PCDH9: variants seen among roughly 807,000 people sequenced by gnomAD.
The protein encoded by PCDH9 is protocadherin-9.
A neutral mutation model predicts 70.6 loss-of-function variants in PCDH9; 24 were observed. The observed-to-expected ratio is 0.34, with a 90% confidence interval of 0.25 to 0.48. The LOEUF is 0.48. Among genes scored for constraint, PCDH9 ranks in the 20% least tolerant of loss-of-function variants. PCDH9 has a pLI of 0.99. For synonymous variants in PCDH9, 562 were observed against 558.5 expected (o/e 1.01, Z -0.09); for missense variants, 1,281 against 1,503.6 (o/e 0.85, Z 2.45).
intron 3 of PCDH9, among the ~76,000 whole-genome samples, chr13:66,727,652 C>T (rs1340531934): frequency 6.6e-6 from 1 of 152,044 alleles, no homozygotes; most frequent in African/African-American, 2.4e-5. Flanking sequence ...TAGATATAGA[C>T]TAGATATAGA....
At chr13:66,791,513 A>G (rs1323082373) in intron 3 of PCDH9, among the ~76,000 whole-genome samples, 1 of 152,120 alleles carries the variant, frequency 6.6e-6, no homozygotes, top group Non-Finnish European at 1.5e-5. Context: ...AGTTTTTGCC[A>G]TTACTTTCAA....
chr13:66,368,925 G>C (rs1405150907), intron 4 of PCDH9, among the ~76,000 whole-genome samples: 2 of 152,040 alleles, frequency 1.3e-5, no homozygotes, highest in Admixed American at 6.6e-5. Flanking sequence ...GCATGGGAAA[G>C]AACTGCCCCC....
At chr13:67,157,680 A>C (rs1169273175) in intron 2 of PCDH9, among the ~76,000 whole-genome samples, 1 of 152,242 alleles carries the variant, frequency 6.6e-6, no homozygotes, top group African/African-American at 2.4e-5. Flanking sequence ...TGAAAAAAAT[A>C]CATGTGAGTA....
At chr13:66,446,538 A>G (rs1285574368) in intron 4 of PCDH9, among the ~76,000 whole-genome samples, 1 of 152,128 alleles carries the variant, frequency 6.6e-6, no homozygotes, top group African/African-American at 2.4e-5. Context: ...GGATATTAAA[A>G]GATCCATGCT....
chr13:66,681,220 C>T (rs2078314683), intron 3 of PCDH9, among the ~76,000 whole-genome samples: 1 of 152,040 alleles, frequency 6.6e-6, no homozygotes, highest in South Asian at 2.1e-4. Context: ...TATTTCTTTC[C>T]TTTACTCCCA....
At chr13:66,628,146 T>C (rs1376681712) in intron 4 of PCDH9, among the ~76,000 whole-genome samples, 1 of 152,206 alleles carries the variant, frequency 6.6e-6, no homozygotes, top group East Asian at 1.9e-4. Context: ...AAACAAAACT[T>C]GTCTGTCCAT....
At chr13:67,169,410 C>A (rs1048608276) in intron 2 of PCDH9, among the ~76,000 whole-genome samples, 1 of 152,132 alleles carries the variant, frequency 6.6e-6, no homozygotes, top group Non-Finnish European at 1.5e-5. Flanking sequence ...TTCTGCCATA[C>A]AAAATTCGTT....
chr13:66,647,210 C>A (rs900131799), intron 3 of PCDH9, among the ~76,000 whole-genome samples: 2 of 152,140 alleles, frequency 1.3e-5, no homozygotes, highest in African/African-American at 4.8e-5. Flanking sequence ...GAGACACCAG[C>A]CAGGGTTTCC....
At chr13:66,792,778 C>T (rs937173180) in intron 3 of PCDH9, among the ~76,000 whole-genome samples, 2 of 152,120 alleles carry the variant, frequency 1.3e-5, no homozygotes, top group Non-Finnish European at 2.9e-5. Flanking sequence ...ATTGGCTATA[C>T]ATGTGAATGC....
intron 4 of PCDH9, among the ~76,000 whole-genome samples, chr13:66,411,680 T>A (rs1314961981): frequency 6.6e-6 from 1 of 151,666 alleles, no homozygotes; most frequent in East Asian, 1.9e-4. Flanking sequence ...GATAGACAGA[T>A]GGATAGATAG....
chr13:66,346,836 G>C (rs1956218993), intron 4 of PCDH9, among the ~76,000 whole-genome samples: 1 of 152,156 alleles, frequency 6.6e-6, no homozygotes, highest in African/African-American at 2.4e-5. Context: ...ATGCCAGTGG[G>C]CCCTCACAGC....
At chr13:66,569,463 T>C (rs1305908575) in intron 4 of PCDH9, among the ~76,000 whole-genome samples, 2 of 152,214 alleles carry the variant, frequency 1.3e-5, no homozygotes, top group African/African-American at 4.8e-5. Flanking sequence ...TACAATTATA[T>C]GTCTTTTCCA....
chr13:66,317,069 T>C (rs1002309741), intron 4 of PCDH9, among the ~76,000 whole-genome samples: 10 of 152,102 alleles, frequency 6.6e-5, no homozygotes, highest in African/African-American at 2.2e-4. Context: ...CCTTTCACAA[T>C]ACATTTATTT....
At chr13:67,213,665 C>T (rs966492982) in intron 2 of PCDH9, 1 of 152,020 alleles carries the variant, frequency 6.6e-6, no homozygotes, top group African/African-American at 2.4e-5. Flanking sequence ...TAAAGAAAAT[C>T]ACACCAGTTT....
intron 3 of PCDH9, among the ~76,000 whole-genome samples, chr13:66,787,209 T>C (rs1404847333): frequency 6.6e-6 from 1 of 152,180 alleles, no homozygotes; most frequent in African/African-American, 2.4e-5. Context: ...CTACCTCTGA[T>C]GCACAAACTT....
At chr13:66,923,220 T>C (rs2082664661) in intron 2 of PCDH9, among the ~76,000 whole-genome samples, 1 of 151,576 alleles carries the variant, frequency 6.6e-6, no homozygotes, top group South Asian at 2.1e-4. Context: ...TATAAACTGC[T>C]GCACCTGGCT....
chr13:66,788,055 GTGTC>G (rs1265450632), intron 3 of PCDH9, among the ~76,000 whole-genome samples: 2 of 152,166 alleles, frequency 1.3e-5, no homozygotes, highest in Non-Finnish European at 2.9e-5. Context: ...TATTTAGCAA[GTGTC>G]TTCATCCACT....
Position 66,594,141 on chromosome 13 carries a change from A to C in PCDH9, c.3340+37069T>G, listed in dbSNP as rs542166890. Among the ~76,000 whole-genome samples, 8 of 151,934 alleles carry C rather than the reference A, an allele frequency of 5.3e-5. No individual in the cohort carries two copies. The East Asian group carries it at 1.6e-3, about 30-fold the overall frequency. Reference sequence around the variant, plus strand: ...TTGGGACAGAATATTTTTTGAAGTCAGAATAATATGACTAAGAAATGTGTT... The same window carrying C: ...TTGGGACAGAATATTTTTTGAAGTCCGAATAATATGACTAAGAAATGTGTT... On this transcript the variant is annotated intron_variant, in intron 4 of 4. Coordinates refer to ENST00000377865, the MANE Select transcript of PCDH9 (RefSeq NM_203487.3).
chr13:66,404,346 C>T (rs910072259), intron 4 of PCDH9, among the ~76,000 whole-genome samples: 3 of 151,978 alleles, frequency 2.0e-5, no homozygotes, highest in African/African-American at 4.8e-5. Context: ...TGAGCAGAGG[C>T]CAACATTTCC....
Sources: allele counts gnomAD v4.1 joint callset (sites outside exome capture counted in the v4.1 genomes callset), GRCh38; gene constraint gnomAD v4.1.1; transcripts MANE v1.5; gene names NCBI Gene and HGNC (gene_info 2026-07-23, HGNC 2026-07-21).